The following ATRX variants were observed in gnomAD, a reference collection of about 807,000 sequenced individuals.
ATRX encodes the protein chromatin remodeler ATRX.
In ATRX, 12 loss-of-function variants were observed where a neutral mutation model predicts 172.6. That is an observed-to-expected ratio of 0.07 (90% CI 0.04 to 0.11). The LOEUF is 0.11. ATRX is among the 10% of genes least tolerant of loss of function. The probability of loss-of-function intolerance (pLI) is 1.00; values close to 1 mark genes in which losing one functional copy is unlikely to be tolerated. For missense variants in ATRX, 1,368 were observed against 1,767.4 expected (o/e 0.77, Z 4.05); for synonymous variants, 674 against 594.7 (o/e 1.13, Z -1.94).
chrX:77,514,155 T>G (rs933230188), intron 34 of ATRX, among the ~76,000 whole-genome samples: 2 of 112,122 alleles, frequency 1.8e-5, no homozygotes, highest in African/African-American at 6.5e-5. Flanking sequence ...ATAGGAAGAA[T>G]CAATATTGTT....
chrX:77,581,693 A>G (rs1557073987), intron 27 of ATRX, among the ~76,000 whole-genome samples: 1 of 112,173 alleles, frequency 8.9e-6, no homozygotes, highest in Non-Finnish European at 1.9e-5. Flanking sequence ...AAATGGACCT[A>G]ATACATATTT....
At chrX:77,613,925 TTC>T (rs2067256703) in intron 22 of ATRX, among the ~76,000 whole-genome samples, 1 of 111,722 alleles carries the variant, frequency 9.0e-6, no homozygotes, top group South Asian at 3.7e-4. Flanking sequence ...TATTATAAAC[TTC>T]TGATACCTGA....
chrX:77,779,309 CACA>C (rs1211009895), intron 1 of ATRX, among the ~76,000 whole-genome samples: 3 of 109,377 alleles, frequency 2.7e-5, no homozygotes, highest in African/African-American at 6.7e-5. Context: ...TTTGAACTCA[CACA>C]ACAACTTACT....
chrX:77,634,474 T>C, intron 17 of ATRX, 120 bp downstream of exon 17: 1 of 583,527 alleles, frequency 1.7e-6, no homozygotes, highest in Middle Eastern at 4.0e-4. Flanking sequence ...AGACAGATCT[T>C]GTTATTCTTG....
intron 19 of ATRX, 87 bp downstream of exon 19, chrX:77,633,120 A>C: frequency 1.1e-6 from 1 of 938,928 alleles, no homozygotes; most frequent in East Asian, 3.1e-5. Context: ...CCAGATACTT[A>C]GTAGCTGTGC....
chrX:77,574,327 A>G lies in ATRX; in HGVS notation c.6249T>C (p.Tyr2083=), dbSNP rs1257919213. ...GEGKWLRNID[Y]YRLDGSTTAQ... is the part of the protein sequence containing the mutation. ...CAGTAGTGGAACCATCTAAACGGTA[A>G]TAGTCAATGTTTCGAAGCCACTTCC... The change falls in exon 28 of 35, where the codon TAT becomes TAC. Residue 2083 remains tyrosine, a synonymous_variant. Coordinates refer to ENST00000373344, the MANE Select transcript of ATRX (RefSeq NM_000489.6). 1 of 1,205,956 alleles carries G rather than the reference A, an allele frequency of 8.3e-7. No homozygotes were observed. The highest frequency in any genetic ancestry group is 1.1e-6 in the Non-Finnish European group (1 of 891,708).
Position 77,634,659 on chromosome X carries a change from T to C in ATRX, c.4744A>G (p.Thr1582Ala). 1.7e-6 allele frequency: 2 copies of C among 1,211,372 alleles called. No homozygotes were observed. Among genetic ancestry groups the C allele is most frequent in the East Asian group, 3.0e-5 (1 of 33,840 alleles). The change falls in exon 17 of 35, where the codon ACA becomes GCA. Residue 1582 changes from threonine to alanine, a missense_variant. Coordinates refer to ENST00000373344, the MANE Select transcript of ATRX (RefSeq NM_000489.6). ...CATCCTGAACCTGGAGATTTCTTTG[T>C]TTTTTTCACAGACTCACAGCAGCAA... ...WDCCCESVKK[T>A]KKSPGSGCIL...
At chrX:77,639,445 C>G (rs567506828) in intron 15 of ATRX, among the ~76,000 whole-genome samples, 1 of 111,797 alleles carries the variant, frequency 8.9e-6, no homozygotes, top group South Asian at 3.7e-4. Flanking sequence ...AAGCAAAACT[C>G]TAGTTAACAT....
intron 15 of ATRX, among the ~76,000 whole-genome samples, chrX:77,640,783 T>C (rs1236316683): frequency 9.0e-6 from 1 of 111,048 alleles, no homozygotes; most frequent in Non-Finnish European, 1.9e-5. Context: ...TGACTGAAGT[T>C]GTGGGGCAGA....
chrX:77,598,049 G>C (rs45453895), intron 25 of ATRX, among the ~76,000 whole-genome samples: 1,200 of 111,926 alleles, frequency 0.011, 18 homozygotes, highest in African/African-American at 0.037. Context: ...CCCATCAACA[G>C]TGGATTGGAT....
intron 28 of ATRX, among the ~76,000 whole-genome samples, chrX:77,569,871 T>C (rs781894297): frequency 1.3e-4 from 14 of 111,907 alleles, no homozygotes; most frequent in African/African-American, 4.5e-4. Flanking sequence ...TAGTAATAGG[T>C]TTAATACAAT....
At chrX:77,534,056 T>C (rs1409183497) in intron 30 of ATRX, among the ~76,000 whole-genome samples, 4 of 112,187 alleles carry the variant, frequency 3.6e-5, no homozygotes, top group Non-Finnish European at 7.5e-5. Context: ...TTTATATGAT[T>C]ATGCCAAAAA....
At chrX:77,666,187 C>T (rs1321929277) in intron 10 of ATRX, among the ~76,000 whole-genome samples, 1 of 111,937 alleles carries the variant, frequency 8.9e-6, no homozygotes, top group Non-Finnish European at 1.9e-5. Flanking sequence ...ACAGAATCAT[C>T]AATTGCTAAA....
chrX:77,608,317 C>T (rs1191724001), intron 22 of ATRX, among the ~76,000 whole-genome samples: 2 of 102,773 alleles, frequency 1.9e-5, no homozygotes, highest in African/African-American at 7.2e-5. Context: ...TGCAGTGAGC[C>T]GAGATTGCAC....
chrX:77,776,733 T>A (rs1442897554), intron 1 of ATRX, among the ~76,000 whole-genome samples: 1 of 112,050 alleles, frequency 8.9e-6, no homozygotes, highest in Non-Finnish European at 1.9e-5. Context: ...TATTGTGAAG[T>A]GGTAGAAGGA....
intron 1 of ATRX, among the ~76,000 whole-genome samples, chrX:77,767,079 G>C (rs1557196469): frequency 8.9e-6 from 1 of 112,445 alleles, no homozygotes; most frequent in Non-Finnish European, 1.9e-5. Flanking sequence ...AACCAGTCAG[G>C]TGTGGTGGCG....
At position 77,723,588 on chromosome X, in the gene ATRX, C is replaced by T. The variant is rs189887460; in HGVS notation, c.21-6345G>A. 9.9e-5 allele frequency among the ~76,000 whole-genome samples: 11 copies of T among 111,171 alleles called. No homozygotes were observed. The East Asian group carries it at 3.1e-3, about 32-fold the overall frequency. The stretch of plus-strand genomic sequence containing the variant: ...ATGGTTTCCATATTTGGCCAATAAC[C>T]ATTCTTTCAGATAAGAGTCAGATGT... On this transcript the variant is annotated intron_variant, in intron 1 of 34. Transcript: ENST00000373344.
intron 1 of ATRX, among the ~76,000 whole-genome samples, chrX:77,748,251 G>T (rs1310515995): frequency 1.8e-5 from 2 of 111,906 alleles, no homozygotes; most frequent in Non-Finnish European, 3.8e-5. Flanking sequence ...AAAAAGCAAA[G>T]GGGAGGCAAG....
chrX:77,717,713 T>C (rs1488846075), intron 1 of ATRX, among the ~76,000 whole-genome samples: 3 of 111,422 alleles, frequency 2.7e-5, no homozygotes, highest in Non-Finnish European at 5.6e-5. Flanking sequence ...AAACTGCTGA[T>C]ATTACTTACT....
Sources: allele counts gnomAD v4.1 joint callset (sites outside exome capture counted in the v4.1 genomes callset), GRCh38; gene constraint gnomAD v4.1.1; transcripts MANE v1.5; gene names NCBI Gene and HGNC (gene_info 2026-07-23, HGNC 2026-07-21).